COG5: variants seen among roughly 807,000 people sequenced by gnomAD.
The protein encoded by COG5 is component of oligomeric golgi complex 5, also known as conserved oligomeric Golgi complex subunit 5.
Under a neutral mutation model 110.4 loss-of-function variants are expected in COG5, and 86 were observed. That is an observed-to-expected ratio of 0.78 (90% CI 0.65 to 0.93). The LOEUF is 0.93. COG5 is among the 40% of genes least tolerant of loss of function. COG5 has a pLI of 0.00. For synonymous variants in COG5, 360 were observed against 334.6 expected (o/e 1.08, Z -0.83); for missense variants, 1,077 against 987.0 (o/e 1.09, Z -1.22).
chr7:107,477,248 A>T (rs1382073546), intron 6 of COG5, among the ~76,000 whole-genome samples: 1 of 151,738 alleles, frequency 6.6e-6, no homozygotes, highest in African/African-American at 2.4e-5. Flanking sequence ...TTAAGAATTT[A>T]AAAAATGAAT....
intron 10 of COG5, among the ~76,000 whole-genome samples, chr7:107,332,947 C>T (rs901543449): frequency 6.6e-6 from 1 of 152,122 alleles, no homozygotes; most frequent in Admixed American, 6.5e-5. Context: ...GAAGCAGACA[C>T]CTTTGAGGCA....
rs148802109 is a variant in COG5, at chr7:107,324,510, C to T, written c.1038G>A (p.Pro346=). 125 of 1,601,968 alleles carry T rather than the reference C, an allele frequency of 7.8e-5. 1 individual carries two copies. The highest frequency in any genetic ancestry group is 9.3e-5 in the Non-Finnish European group (109 of 1,173,268). Residue 346 remains proline (P), a synonymous_variant, in exon 11 of 22, where the codon CCG becomes CCA. Transcript: ENST00000297135. ...FIEEIVKDGQ[P]EIFYTFWNSV... Reference sequence around the variant, plus strand: ...AATTCCAAAATGTGTAGAAAATTTCCGGTTGTCCATCCTGTGAAGAACAAA... The same window carrying T: ...AATTCCAAAATGTGTAGAAAATTTCTGGTTGTCCATCCTGTGAAGAACAAA...
chr7:107,280,315 A>G (rs1805062818), intron 14 of COG5, among the ~76,000 whole-genome samples: 1 of 152,064 alleles, frequency 6.6e-6, no homozygotes, highest in African/African-American at 2.4e-5. Context: ...ATATTTGCAA[A>G]CAAAATCTGG....
At position 107,429,239 on chromosome 7, in the gene COG5, C is replaced by T. The variant is rs184530371; in HGVS notation, c.539-16607G>A. Among the ~76,000 whole-genome samples, 574 of 152,228 alleles carry T rather than the reference C, an allele frequency of 3.8e-3. 5 individuals are homozygous for T. Among genetic ancestry groups the T allele is most frequent in the African/African-American group, 0.013 (542 of 41,522 alleles). On this transcript the variant is annotated intron_variant, in intron 6 of 21. Coordinates refer to ENST00000297135, the MANE Select transcript of COG5 (RefSeq NM_006348.5). ...TCAAAGGAACTAAATAAAATATCAT[C>T]TTGGAAGAGTAGCATATTATGGATC...
chr7:107,278,969 G>A (rs1804930485), intron 14 of COG5, among the ~76,000 whole-genome samples: 2 of 152,170 alleles, frequency 1.3e-5, no homozygotes, highest in Admixed American at 6.5e-5. Context: ...CTTCTGCATA[G>A]CCAAAGAAAC....
In COG5 at chr7:107,554,066, G is replaced by C. The variant is rs530641282; in HGVS notation, c.292+219C>G. ...TGAACCCAGATCATTTAGCTCAGGG[G>C]CCAGCAAAGTTTCACTAAAGTCTTA... On this transcript the variant is annotated intron_variant, in intron 3 of 21. Coordinates refer to ENST00000297135, the MANE Select transcript of COG5 (RefSeq NM_006348.5). Among the ~76,000 whole-genome samples the C allele has an allele frequency of 2.0e-4, 31 of 152,268 alleles. No individual in the cohort carries two copies. In the East Asian group the frequency reaches 4.2e-3, roughly 21 times the overall value.
At chr7:107,413,380 T>G (rs1792454852) in intron 6 of COG5, among the ~76,000 whole-genome samples, 1 of 151,944 alleles carries the variant, frequency 6.6e-6, no homozygotes, top group Admixed American at 6.6e-5. Context: ...ATATTTACAA[T>G]CACTCACCTT....
At chr7:107,426,031 A>G (rs919566364) in intron 6 of COG5, among the ~76,000 whole-genome samples, 1 of 152,186 alleles carries the variant, frequency 6.6e-6, no homozygotes, top group African/African-American at 2.4e-5. Context: ...GACTGCCAGC[A>G]AACCAAAGCT....
At chr7:107,517,327 G>A (rs977820971) in intron 6 of COG5, among the ~76,000 whole-genome samples, 3 of 151,976 alleles carry the variant, frequency 2.0e-5, no homozygotes, top group Non-Finnish European at 2.9e-5. Context: ...ACAAAATCTC[G>A]GAGAAATATG....
chr7:107,252,884 TAAGAA>T (rs1165449779), intron 16 of COG5, among the ~76,000 whole-genome samples: 3 of 152,082 alleles, frequency 2.0e-5, no homozygotes, highest in African/African-American at 7.2e-5. Flanking sequence ...AATAGAAAAC[TAAGAA>T]TAGAAGGGAA....
At chr7:107,384,087 A>G (rs1485171361) in intron 7 of COG5, among the ~76,000 whole-genome samples, 1 of 152,076 alleles carries the variant, frequency 6.6e-6, no homozygotes, top group Non-Finnish European at 1.5e-5. Flanking sequence ...ATGTCTTCTA[A>G]TAAGATGGTT....
intron 6 of COG5, among the ~76,000 whole-genome samples, chr7:107,459,534 C>G (rs752549407): frequency 6.6e-6 from 1 of 151,868 alleles, no homozygotes; most frequent in Non-Finnish European, 1.5e-5. Context: ...TGGTGGCTCA[C>G]GACTGTAATT....
intron 6 of COG5, among the ~76,000 whole-genome samples, chr7:107,457,343 CAAATT>C (rs1338231364): frequency 8.1e-6 from 1 of 123,648 alleles, no homozygotes; most frequent in East Asian, 2.3e-4. Context: ...ACTACCCAAA[CAAATT>C]AAAGCTATGA....
intron 5 of COG5, 129 bp downstream of exon 5, chr7:107,547,982 T>C (rs1802572816): frequency 1.3e-6 from 1 of 783,260 alleles, no homozygotes; most frequent in Admixed American, 2.7e-5. Context: ...TTTTTAGTAT[T>C]TTTTTCTCCT....
intron 7 of COG5, among the ~76,000 whole-genome samples, chr7:107,387,419 C>T (rs1258720566): frequency 6.6e-6 from 1 of 152,250 alleles, no homozygotes; most frequent in East Asian, 1.9e-4. Flanking sequence ...GGCCCACCTG[C>T]TCAGCTCTCC....
chr7:107,455,805 G>A (rs781339271), intron 6 of COG5, among the ~76,000 whole-genome samples: 9 of 151,010 alleles, frequency 6.0e-5, no homozygotes, highest in African/African-American at 1.9e-4. Flanking sequence ...TTGTTTGTTT[G>A]TTTTTGAGAC....
chr7:107,507,860 T>C (rs1384465044), intron 6 of COG5, among the ~76,000 whole-genome samples: 1 of 152,214 alleles, frequency 6.6e-6, no homozygotes, highest in Non-Finnish European at 1.5e-5. Context: ...AAATGTATCA[T>C]AATGCTTCTA....
At chr7:107,547,356 A>T (rs1206367279) in intron 5 of COG5, among the ~76,000 whole-genome samples, 4 of 152,242 alleles carry the variant, frequency 2.6e-5, no homozygotes, top group Non-Finnish European at 5.9e-5. Flanking sequence ...AAAACTCTAT[A>T]GAAGGAACGT....
At chr7:107,475,258 G>A (rs1796900163) in intron 6 of COG5, 1 of 1,602,244 alleles carries the variant, frequency 6.2e-7, no homozygotes, top group East Asian at 2.2e-5. Context: ...TAATAATGCT[G>A]TAATACACAA....
Sources: gnomAD v4.1 joint callset for allele counts (sites outside exome capture counted in the v4.1 genomes callset) on GRCh38, gnomAD v4.1.1 for gene constraint, MANE v1.5 for transcripts, NCBI Gene and HGNC (gene_info 2026-07-23, HGNC 2026-07-21) for gene names.